The following HSPG2 variants were observed in gnomAD, a reference collection of about 807,000 sequenced individuals.
HSPG2 encodes basement membrane-specific heparan sulfate proteoglycan core protein.
A neutral mutation model predicts 526.6 loss-of-function variants in HSPG2; 278 were observed. The ratio of observed to expected loss-of-function variants is 0.53; its 90% confidence interval spans 0.48 to 0.58. The LOEUF is 0.58. HSPG2 is among the 20% of genes least tolerant of loss of function. The probability of loss-of-function intolerance (pLI) is 0.00; values close to 1 mark genes in which losing one functional copy is unlikely to be tolerated. For synonymous variants in HSPG2, 2,465 were observed against 2,555.4 expected (o/e 0.96, Z 1.07); for missense variants, 5,354 against 6,099.5 (o/e 0.88, Z 4.07).
intron 1 of HSPG2, among the ~76,000 whole-genome samples, chr1:21,926,302 C>T (rs1296186426): frequency 6.6e-6 from 1 of 152,152 alleles, no homozygotes; most frequent in Non-Finnish European, 1.5e-5. Context: ...GGAACATTGA[C>T]TGGTGACCTA....
intron 1 of HSPG2, among the ~76,000 whole-genome samples, chr1:21,910,624 C>T (rs1373874869): frequency 6.6e-6 from 1 of 152,166 alleles, no homozygotes; most frequent in South Asian, 2.1e-4. Context: ...TCTGTTTTGT[C>T]GCTGCCCTTT....
chr1:21,858,986 C>T lies in HSPG2; in HGVS notation c.5293+580G>A, dbSNP rs2124368. ...TGCTTGGTGACACAGCCTTTATGGA[C>T]GCCCTCCCATCCCTGTCTCACTTTT... On this transcript the variant is annotated intron_variant, in intron 42 of 96. Transcript: ENST00000374695. The surrounding 1 kb of genome is among the most constrained non-coding windows in gnomAD (Gnocchi z 4.2). 0.13 allele frequency among the ~76,000 whole-genome samples: 19,075 copies of T among 151,786 alleles called. 1,374 individuals are homozygous for T. Among genetic ancestry groups the T allele is most frequent in the South Asian group, 0.25 (1,198 of 4,800 alleles).
At chr1:21,922,387 C>G (rs12080507) in intron 1 of HSPG2, among the ~76,000 whole-genome samples, 1,886 of 152,296 alleles carry the variant, frequency 0.012, 37 homozygotes, top group African/African-American at 0.039. Context: ...CACAGCAAGG[C>G]GGCTCTGGGC....
At chr1:21,908,164 G>A in intron 1 of HSPG2, 3 of 832,254 alleles carry the variant, frequency 3.6e-6, no homozygotes, top group Non-Finnish European at 6.3e-6. Context: ...TAGAAAACAT[G>A]GAGTTGTTCC....
At chr1:21,933,857 C>T (rs1261243518) in intron 1 of HSPG2, among the ~76,000 whole-genome samples, 3 of 152,210 alleles carry the variant, frequency 2.0e-5, no homozygotes, top group Admixed American at 6.5e-5. Flanking sequence ...CAGCTGGCTG[C>T]GTGGAGGAGG....
chr1:21,823,926 G>C, intron 95 of HSPG2, 195 bp downstream of exon 95: 1 of 735,486 alleles, frequency 1.4e-6, no homozygotes, highest in South Asian at 1.6e-5. Context: ...TCCCACTCCT[G>C]GGGCACTCGC....
Position 21,847,474 on chromosome 1 carries a change from G to T in HSPG2, c.8044C>A (p.Arg2682=). Reference sequence around the variant, plus strand: ...TCAGCCACAGACATTTGGTGCAACCGCAGGTGGGAGCCATGGGTCTGGACG... The same window carrying T: ...TCAGCCACAGACATTTGGTGCAACCTCAGGTGGGAGCCATGGGTCTGGACG... ...SRHQTHGSHL[R]LHQMSVADSG... is the part of the protein sequence containing the mutation. Residue 2682 remains arginine (R), a synonymous_variant, in exon 62 of 97, where the codon CGG becomes AGG. Transcript: ENST00000374695. The surrounding 1 kb of genome is among the most constrained non-coding windows in gnomAD (Gnocchi z 4.1). 6.2e-7 allele frequency: 1 copy of T among 1,613,882 alleles called. No individual in the cohort carries two copies. Among genetic ancestry groups the T allele is most frequent in the Middle Eastern group, 1.6e-4 (1 of 6,062 alleles).
At chr1:21,908,631 T>C in intron 1 of HSPG2, 1 of 615,190 alleles carries the variant, frequency 1.6e-6, no homozygotes, top group Non-Finnish European at 2.9e-6. Context: ...AAAAAAAAAG[T>C]GTTTGCTGTG....
In HSPG2 at chr1:21,854,250, C is replaced by G. The variant is rs1284545953; in HGVS notation, c.6382G>C (p.Ala2128Pro). ...TGGAGCACAGACACAGTAATGGAGG[C>G]CTCCTTGGGGCCCGATCCATTCTCC... Reference protein sequence around the residue: ...RVENGSGPKEASITVSVLHGT... With the variant: ...RVENGSGPKEPSITVSVLHGT... The change falls in exon 50 of 97, where the codon GCC becomes CCC. Residue 2128 changes from alanine to proline, a missense_variant. By Grantham distance (27) the Ala-to-Pro change is conservative. Coordinates refer to ENST00000374695, the MANE Select transcript of HSPG2 (RefSeq NM_005529.7). 6.3e-7 allele frequency: 1 copy of G among 1,593,408 alleles called. No homozygotes were observed. Among genetic ancestry groups the G allele is most frequent in the Non-Finnish European group, 8.5e-7 (1 of 1,169,734 alleles).
intron 1 of HSPG2, among the ~76,000 whole-genome samples, chr1:21,931,898 C>T (rs1644360015): frequency 6.6e-6 from 1 of 152,174 alleles, no homozygotes; most frequent in South Asian, 2.1e-4. Context: ...TTCCCCTTCC[C>T]CCACTAGCAG....
At chr1:21,852,022 G>A in intron 53 of HSPG2, 66 bp downstream of exon 53, 1 of 1,611,560 alleles carries the variant, frequency 6.2e-7, no homozygotes, top group Non-Finnish European at 8.5e-7. Flanking sequence ...CAGCCCCTCA[G>A]CCTAGGGGCC....
In HSPG2 at chr1:21,878,601, C is replaced by A; in HGVS notation, c.2534G>T (p.Gly845Val). 6.2e-7 allele frequency: 1 copy of A among 1,614,164 alleles called. No individual in the cohort carries two copies. Among genetic ancestry groups the A allele is most frequent in the Non-Finnish European group, 8.5e-7 (1 of 1,180,032 alleles). The part of the protein sequence containing the change: ...GQATCDACAP[G>V]YTGRRCESCA... ...CCTCTCACAGCGGCGGCCAGTGTAG[C>A]CTGGGGCACAGGCGTCACATGTGGC... The change falls in exon 19 of 97, where the codon GGC (glycine) becomes GTC (valine). Residue 845 changes from glycine to valine, a missense_variant. Coordinates refer to ENST00000374695, the MANE Select transcript of HSPG2 (RefSeq NM_005529.7).
At position 21,865,923 on chromosome 1, in the gene HSPG2, CA is replaced by C; in HGVS notation, c.4222-115del. The C allele has an allele frequency of 2.6e-6, 2 of 761,694 alleles. No homozygotes were observed. The highest frequency in any genetic ancestry group is 2.8e-5 in the South Asian group (2 of 70,808). The allele number at this position is 761,694 out of a possible 1,614,324, so 47.2% of individuals were successfully genotyped here. A position where few individuals can be genotyped will look rare whatever the true frequency, so the allele number is the denominator to read the frequency against. On this transcript the variant is annotated intron_variant, in intron 33 of 96. Coordinates refer to ENST00000374695, the MANE Select transcript of HSPG2 (RefSeq NM_005529.7). This position sits in a 1 kb window ranked among gnomAD's most constrained non-coding sequence, Gnocchi z 5.4. ...TTTTTGCACCTGTGCCACACTCCCCCACCCCCCTCCCTGCCCAAACCAAGAG... is the reference window on the plus strand; with the variant it reads ...TTTTTGCACCTGTGCCACACTCCCCCCCCCCCTCCCTGCCCAAACCAAGAG...
chr1:21,882,376 C>G (rs908417467), intron 13 of HSPG2, among the ~76,000 whole-genome samples: 1 of 149,832 alleles, frequency 6.7e-6, no homozygotes, highest in Admixed American at 6.7e-5. Context: ...TATGATGGGT[C>G]GTCTAGTCCA....
At chr1:21,840,604 C>G (rs1572186351) in intron 71 of HSPG2, among the ~76,000 whole-genome samples, 1 of 152,096 alleles carries the variant, frequency 6.6e-6, no homozygotes. Flanking sequence ...CTGCACCCAG[C>G]CTAATTTTGT....
In HSPG2 at chr1:21,854,330, C is replaced by G; in HGVS notation, c.6302G>C (p.Arg2101Pro). ...LPPHTQVHGS[R>P]LRLPQVSPAD... ...TGGTGAGACCTGGGGGAGCCGCAGA[C>G]GGGAGCCGTGCACCTGGGCCAGGAG... Residue 2101 changes from arginine (R) to proline (P), a missense_variant, in exon 50 of 97, where the codon CGT (arginine) becomes CCT (proline). Coordinates refer to ENST00000374695, the MANE Select transcript of HSPG2 (RefSeq NM_005529.7). 6.4e-7 allele frequency: 1 copy of G among 1,570,128 alleles called. No homozygotes were observed. Among genetic ancestry groups the G allele is most frequent in the Non-Finnish European group, 8.6e-7 (1 of 1,157,214 alleles).
chr1:21,829,666 T>C (rs1027611367), intron 86 of HSPG2, 62 bp from the exon 87 acceptor site: 2 of 1,399,564 alleles, frequency 1.4e-6, no homozygotes, highest in African/African-American at 2.8e-5. Flanking sequence ...GGGGTCCAGC[T>C]ACTCTGCCTT....
chr1:21,860,423 A>C (rs780435433), intron 39 of HSPG2, among the ~76,000 whole-genome samples, 188 bp from the exon 40 acceptor site: 1 of 152,180 alleles, frequency 6.6e-6, no homozygotes, highest in Non-Finnish European at 1.5e-5. Flanking sequence ...GGGGAGTGTA[A>C]GGGAGTGTTA....
At chr1:21,925,462 A>T (rs557091546) in intron 1 of HSPG2, among the ~76,000 whole-genome samples, 2 of 152,168 alleles carry the variant, frequency 1.3e-5, no homozygotes, top group South Asian at 4.1e-4. Context: ...AGCAAAACTC[A>T]CTGAACTCCC....
Sources: allele counts gnomAD v4.1 joint callset (sites outside exome capture counted in the v4.1 genomes callset), GRCh38; gene constraint gnomAD v4.1.1; non-coding constraint Gnocchi (gnomAD v3.1); transcripts MANE v1.5; gene names NCBI Gene and HGNC (gene_info 2026-07-23, HGNC 2026-07-21).